Variants in CD47 observed in about 807,000 individuals in gnomAD.
CD47 encodes the protein CD47 molecule, also known as leukocyte surface antigen CD47.
Under a neutral mutation model 44.6 loss-of-function variants are expected in CD47, and 11 were observed. That is an observed-to-expected ratio of 0.25 (90% CI 0.16 to 0.41). The LOEUF is 0.41. Among genes scored for constraint, CD47 ranks in the 10% least tolerant of loss-of-function variants. The pLI is 1.00. For missense variants in CD47, 306 were observed against 386.7 expected (o/e 0.79, Z 1.75); for synonymous variants, 140 against 136.3 (o/e 1.03, Z -0.19).
In CD47 at chr3:108,080,082, A is replaced by G. The variant is rs766500847; in HGVS notation, c.309T>C (p.Ser103=). The G allele has an allele frequency of 2.5e-6, 4 of 1,612,894 alleles. No homozygotes were observed. In the South Asian group the frequency reaches 4.4e-5, roughly 18 times the overall value. The change falls in exon 2 of 11, where the codon AGT becomes AGC. Residue 103 remains serine, a synonymous_variant. Coordinates refer to ENST00000361309, the MANE Select transcript of CD47 (RefSeq NM_001777.4). ...KGDASLKMDK[S]DAVSHTGNYT... ...AGTTTCCTGTGTGTGAGACAGCATC[A>G]CTCTTATCCATCTTCAAAGAGGCAT...
At chr3:108,075,438 A>G (rs2108260001) in intron 2 of CD47, among the ~76,000 whole-genome samples, 1 of 152,270 alleles carries the variant, frequency 6.6e-6, no homozygotes, top group South Asian at 2.1e-4. Context: ...CATAGGGAAC[A>G]CCAGGTTACA....
rs1246646041 is a variant in CD47 at position 108,043,382 on chromosome 3, C to T, written c.*3906G>A. 6.6e-6 allele frequency: 1 copy of T among 151,076 alleles called. No homozygotes were observed. Among genetic ancestry groups the T allele is most frequent in the Non-Finnish European group, 1.5e-5 (1 of 67,796 alleles). 9.4% of individuals were successfully genotyped at this position (151,076 alleles called of 1,614,324 possible). On this transcript the variant is annotated 3_prime_UTR_variant, in exon 11 of 11. Coordinates refer to ENST00000361309, the MANE Select transcript of CD47 (RefSeq NM_001777.4). ...TGTTTTTTTTTAAATAAAAAAGTAC[C>T]TTGGCAAAGATTGCAGATATTCAAA...
chr3:108,063,245 T>C (rs2079050984), intron 3 of CD47, among the ~76,000 whole-genome samples: 1 of 152,164 alleles, frequency 6.6e-6, no homozygotes. Context: ...TTCCAACAAA[T>C]ACACATGTTG....
chr3:108,073,008 A>C (rs1326321153), intron 2 of CD47, among the ~76,000 whole-genome samples: 13 of 131,124 alleles, frequency 9.9e-5, no homozygotes, highest in African/African-American at 3.4e-4. Flanking sequence ...ATCCCCCACT[A>C]AACTCCCCCT....
chr3:108,056,635 T>C (rs1394568995), intron 7 of CD47, among the ~76,000 whole-genome samples: 2 of 152,140 alleles, frequency 1.3e-5, no homozygotes, highest in Non-Finnish European at 2.9e-5. Flanking sequence ...TTTTATTTCA[T>C]AAAAATATAA....
intron 7 of CD47, chr3:108,055,460 C>A (rs2078898042): frequency 2.1e-6 from 2 of 954,502 alleles, no homozygotes; most frequent in African/African-American, 1.7e-5. Flanking sequence ...ATTATATAAG[C>A]AAACCATATT....
chr3:108,055,420 T>C (rs1053585377), intron 7 of CD47: 13 of 618,978 alleles, frequency 2.1e-5, no homozygotes, highest in South Asian at 1.8e-4. Flanking sequence ...GCAACCTTAA[T>C]GTTACATAGA....
intron 2 of CD47, among the ~76,000 whole-genome samples, chr3:108,074,718 G>C (rs951389545): frequency 2.3e-5 from 3 of 130,224 alleles, no homozygotes; most frequent in African/African-American, 5.5e-5. Flanking sequence ...GGGTGGGGGG[G>C]GGGGGCACAC....
At chr3:108,060,322 A>T (rs868822306) in intron 4 of CD47, among the ~76,000 whole-genome samples, 11 of 152,260 alleles carry the variant, frequency 7.2e-5, no homozygotes, top group Non-Finnish European at 1.3e-4. Context: ...ACCCTGGATT[A>T]TATGAGTGGG....
intron 10 of CD47, 33 bp from the exon 11 acceptor site, chr3:108,047,325 AT>A: frequency 1.3e-6 from 2 of 1,556,676 alleles, no homozygotes; most frequent in Non-Finnish European, 1.8e-6. Context: ...CATAATCACT[AT>A]TCGTGTCTAT....
Position 108,091,013 on chromosome 3 carries a change from G to A in CD47, c.-105C>T, listed in dbSNP as rs548567694. On this transcript the variant is annotated 5_prime_UTR_variant, in exon 1 of 11. Coordinates refer to ENST00000361309, the MANE Select transcript of CD47 (RefSeq NM_001777.4). ...GACCGCCGCCGCGCGTCACAGGCAG[G>A]ACCCACTGCCCAGGCTGCACGGCCG... 1.4e-6 allele frequency: 1 copy of A among 739,830 alleles called. No individual in the cohort carries two copies. Among genetic ancestry groups the A allele is most frequent in the Non-Finnish European group, 1.9e-6 (1 of 522,958 alleles). 45.8% of individuals were successfully genotyped at this position (739,830 alleles called of 1,614,324 possible).
chr3:108,047,851 C>T lies in CD47; in HGVS notation c.968-559G>A, dbSNP rs9810269. Reference sequence around the variant, plus strand: ...AAATTAAGAGAATCTTGAAGATCATCGTAGATTTCATCACAAATATTCAAG... The same window carrying T: ...AAATTAAGAGAATCTTGAAGATCATTGTAGATTTCATCACAAATATTCAAG... On this transcript the variant is annotated intron_variant, in intron 10 of 10. Coordinates refer to ENST00000361309, the MANE Select transcript of CD47 (RefSeq NM_001777.4). Among the ~76,000 whole-genome samples, 367 of 152,224 alleles carry T rather than the reference C, an allele frequency of 2.4e-3. 1 individual carries two copies. The highest frequency in any genetic ancestry group is 8.7e-3 in the African/African-American group (362 of 41,544).
intron 2 of CD47, among the ~76,000 whole-genome samples, chr3:108,073,445 A>G (rs1349509347): frequency 6.6e-6 from 1 of 152,120 alleles, no homozygotes; most frequent in Non-Finnish European, 1.5e-5. Flanking sequence ...CTGAGTGTGC[A>G]GAGTGGGAGA....
At chr3:108,081,778 G>A (rs955629812) in intron 1 of CD47, among the ~76,000 whole-genome samples, 2 of 151,876 alleles carry the variant, frequency 1.3e-5, no homozygotes. Flanking sequence ...ACAATACTAT[G>A]CTGTAAAAAT....
At chr3:108,085,940 T>C (rs955353899) in intron 1 of CD47, among the ~76,000 whole-genome samples, 7 of 152,100 alleles carry the variant, frequency 4.6e-5, no homozygotes, top group Admixed American at 2.6e-4. Context: ...AAGTCACTTG[T>C]ATGGTTGGAT....
chr3:108,047,391 T>G, intron 10 of CD47, 99 bp from the exon 11 acceptor site: 1 of 807,550 alleles, frequency 1.2e-6, no homozygotes, highest in East Asian at 2.8e-5. Flanking sequence ...ATATAGTATC[T>G]AAAAATTAAG....
At chr3:108,090,775 G>A in intron 1 of CD47, 88 bp downstream of exon 1, 1 of 1,254,202 alleles carries the variant, frequency 8.0e-7, no homozygotes, top group Non-Finnish European at 1.0e-6. Context: ...CCTCTTCAGG[G>A]CGCCGCCGGG....
At position 108,043,227 on chromosome 3, in the gene CD47, C is replaced by T. The variant is rs1257287367; in HGVS notation, c.*4061G>A. The T allele has an allele frequency of 6.6e-6, 1 of 152,484 alleles. No homozygotes were observed. The highest frequency in any genetic ancestry group is 1.5e-5 in the Non-Finnish European group (1 of 68,008). 9.4% of individuals were successfully genotyped at this position (152,484 alleles called of 1,614,324 possible). A position where few individuals can be genotyped will look rare whatever the true frequency, so the allele number is the denominator to read the frequency against. On this transcript the variant is annotated 3_prime_UTR_variant, in exon 11 of 11. Transcript: ENST00000361309. Reference sequence around the variant, plus strand: ...CTAGAATATAAGCAACTTAAAAATACATTAATAAATTAAATTTTTCAGAAA... The same window carrying T: ...CTAGAATATAAGCAACTTAAAAATATATTAATAAATTAAATTTTTCAGAAA...
chr3:108,063,202 C>T (rs1246277562), intron 3 of CD47, among the ~76,000 whole-genome samples: 1 of 152,108 alleles, frequency 6.6e-6, no homozygotes, highest in Non-Finnish European at 1.5e-5. Flanking sequence ...TTTTCCAGGC[C>T]ACCTTAAACT....
Sources: gnomAD v4.1 joint callset for allele counts (sites outside exome capture counted in the v4.1 genomes callset) on GRCh38, gnomAD v4.1.1 for gene constraint, MANE v1.5 for transcripts, NCBI Gene and HGNC (gene_info 2026-07-23, HGNC 2026-07-21) for gene names.